Variants in PRORP observed in about 807,000 individuals in gnomAD.
The protein encoded by PRORP is mitochondrial ribonuclease P catalytic subunit.
In PRORP, 51 loss-of-function variants were observed where a neutral mutation model predicts 59.4. The observed-to-expected ratio is 0.86, with a 90% CI of 0.69 to 1.08. The LOEUF is 1.08. PRORP is among the 50% of genes least tolerant of loss of function. The probability of loss-of-function intolerance (pLI) is 0.00; values close to 1 mark genes in which losing one functional copy is unlikely to be tolerated. For missense variants in PRORP, 646 were observed against 690.3 expected, an observed-to-expected ratio of 0.94 and a Z score of 0.72; for synonymous variants, 231 against 245.6, an observed-to-expected ratio of 0.94 and a Z score of 0.55.
At chr14:35,181,628 T>C (rs2048608565) in intron 5 of PRORP, among the ~76,000 whole-genome samples, 1 of 151,560 alleles carries the variant, frequency 6.6e-6, no homozygotes, top group Admixed American at 6.6e-5. Flanking sequence ...CTACTAAAAA[T>C]ACAAAAATTA....
At chr14:35,271,581 A>G (rs2051191627) in intron 7 of PRORP, among the ~76,000 whole-genome samples, 1 of 152,158 alleles carries the variant, frequency 6.6e-6, no homozygotes, top group Non-Finnish European at 1.5e-5. Context: ...ATTCATTTCT[A>G]TGACAGTCTC....
chr14:35,262,962 A>G (rs1218914718), intron 5 of PRORP: 32 of 1,599,028 alleles, frequency 2.0e-5, no homozygotes, highest in Non-Finnish European at 2.7e-5. Context: ...GACAGTTAAA[A>G]ACAAGGATAT....
chr14:35,241,044 A>G (rs1344107229), intron 5 of PRORP, among the ~76,000 whole-genome samples: 1 of 152,160 alleles, frequency 6.6e-6, no homozygotes, highest in Non-Finnish European at 1.5e-5. Context: ...CATTCACATT[A>G]TATTAACTAT....
chr14:35,255,709 A>G lies in PRORP; in HGVS notation c.1276-11018A>G, dbSNP rs577772231. Among the ~76,000 whole-genome samples, 4 of 152,350 alleles carry G rather than the reference A, an allele frequency of 2.6e-5. No individual in the cohort carries two copies. In the South Asian group the frequency reaches 6.2e-4, roughly 24 times the overall value. ...ATTCAACTACCAGTTTGCAAGAAGCATAGAAGACTGGAGACTATGTTACAT... is the reference window on the plus strand; with the variant it reads ...ATTCAACTACCAGTTTGCAAGAAGCGTAGAAGACTGGAGACTATGTTACAT... On this transcript the variant is annotated intron_variant, in intron 5 of 7. Transcript: ENST00000534898.
chr14:35,224,442 A>G (rs1257681962), intron 5 of PRORP, among the ~76,000 whole-genome samples: 1 of 152,196 alleles, frequency 6.6e-6, no homozygotes, highest in Non-Finnish European at 1.5e-5. Context: ...GGGAACTACT[A>G]CCAGTTCCCA....
In PRORP at chr14:35,123,180, A is replaced by C. The variant is rs1394574832; in HGVS notation, c.-66A>C. 1 of 1,512,204 alleles carries C rather than the reference A, an allele frequency of 6.6e-7. No individual in the cohort carries two copies. The highest frequency in any genetic ancestry group is 2.0e-5 in the Admixed American group (1 of 49,628). 93.7% of individuals were successfully genotyped at this position (1,512,204 alleles called of 1,614,324 possible). ...GCACCGCCGACCCCCAATCTCTTTAATTTTGCCATAGAAGAGGGGTTTTTT... is the reference window on the plus strand; with the variant it reads ...GCACCGCCGACCCCCAATCTCTTTACTTTTGCCATAGAAGAGGGGTTTTTT... On this transcript the variant is annotated 5_prime_UTR_variant, in exon 2 of 8. Transcript: ENST00000534898.
chr14:35,160,492 A>C (rs928838488), intron 4 of PRORP, among the ~76,000 whole-genome samples: 4 of 152,162 alleles, frequency 2.6e-5, no homozygotes, highest in African/African-American at 9.7e-5. Flanking sequence ...TTTTTCACTA[A>C]AAGAGGACAA....
intron 5 of PRORP, among the ~76,000 whole-genome samples, chr14:35,186,388 A>C (rs2048743050): frequency 2.6e-5 from 4 of 151,674 alleles, no homozygotes. Context: ...TTTATATAAC[A>C]TAATATTCAC....
chr14:35,228,156 A>G (rs2049984196), intron 5 of PRORP, among the ~76,000 whole-genome samples: 1 of 152,218 alleles, frequency 6.6e-6, no homozygotes, highest in East Asian at 1.9e-4. Context: ...ATAAATAAAT[A>G]AATGAAGACT....
chr14:35,215,907 C>T (rs192547482), intron 5 of PRORP, among the ~76,000 whole-genome samples: 2 of 151,630 alleles, frequency 1.3e-5, no homozygotes, highest in African/African-American at 2.4e-5. Flanking sequence ...GTTTGGATTA[C>T]AGGTGCCCAC....
intron 5 of PRORP, among the ~76,000 whole-genome samples, chr14:35,221,392 T>G (rs1043743498): frequency 2.0e-5 from 3 of 152,258 alleles, no homozygotes; most frequent in Admixed American, 2.0e-4. Context: ...CAAGCTCTAA[T>G]ATGGCTTGGT....
intron 5 of PRORP, among the ~76,000 whole-genome samples, chr14:35,258,384 G>A (rs1429126884): frequency 3.9e-5 from 6 of 152,080 alleles, no homozygotes; most frequent in East Asian, 1.9e-4. Context: ...AACCCCGATG[G>A]TAATCAGAAT....
intron 5 of PRORP, among the ~76,000 whole-genome samples, chr14:35,202,039 G>A (rs924897337): frequency 6.7e-5 from 10 of 148,682 alleles, no homozygotes; most frequent in South Asian, 2.1e-4. Flanking sequence ...GTGTGATCTC[G>A]GCTCACTGCA....
At chr14:35,165,304 C>T (rs550830065) in intron 4 of PRORP, among the ~76,000 whole-genome samples, 8 of 152,158 alleles carry the variant, frequency 5.3e-5, no homozygotes, top group African/African-American at 1.9e-4. Context: ...ATTTCTGTTG[C>T]TCTGAGGGAT....
intron 5 of PRORP, among the ~76,000 whole-genome samples, chr14:35,189,141 T>A (rs1244812032): frequency 2.0e-5 from 3 of 152,180 alleles, no homozygotes; most frequent in African/African-American, 7.2e-5. Context: ...ACCTTCACCC[T>A]ATTTATTTGT....
chr14:35,244,777 T>G (rs1016221554), intron 5 of PRORP, among the ~76,000 whole-genome samples: 9 of 152,208 alleles, frequency 5.9e-5, no homozygotes, highest in Admixed American at 5.9e-4. Flanking sequence ...TCTTCTAACC[T>G]CGTCTCCTTT....
At chr14:35,270,276 T>C (rs2051151176) in intron 6 of PRORP, 125 bp from the exon 7 acceptor site, 1 of 816,626 alleles carries the variant, frequency 1.2e-6, no homozygotes, top group Non-Finnish European at 2.0e-6. Context: ...TAAGTATTAC[T>C]AGCATCATGT....
In PRORP at chr14:35,276,740, C is replaced by T. The variant is rs894672353; in HGVS notation, c.*3174C>T. On this transcript the variant is annotated 3_prime_UTR_variant, in exon 8 of 8. Coordinates refer to ENST00000534898, the MANE Select transcript of PRORP (RefSeq NM_014672.4). Reference sequence around the variant, plus strand: ...TAGTATCTTTAAAATCAGTTGTGAACAATGAAGGATTTGAAAGAGCATTGA... The same window carrying T: ...TAGTATCTTTAAAATCAGTTGTGAATAATGAAGGATTTGAAAGAGCATTGA... The T allele has an allele frequency of 6.6e-5, 10 of 152,102 alleles. No individual in the cohort carries two copies. The highest frequency in any genetic ancestry group is 2.2e-4 in the African/African-American group (9 of 41,414). 9.4% of individuals were successfully genotyped at this position (152,102 alleles called of 1,614,324 possible). A position where few individuals can be genotyped will look rare whatever the true frequency, so the allele number is the denominator to read the frequency against.
chr14:35,146,979 C>T (rs1408938784), intron 4 of PRORP, among the ~76,000 whole-genome samples: 1 of 151,874 alleles, frequency 6.6e-6, no homozygotes, highest in Non-Finnish European at 1.5e-5. Context: ...TACCTGTAGT[C>T]CTAGCTACTT....
Sources: gnomAD v4.1 joint callset for allele counts (sites outside exome capture counted in the v4.1 genomes callset) on GRCh38, gnomAD v4.1.1 for gene constraint, MANE v1.5 for transcripts, NCBI Gene and HGNC (gene_info 2026-07-23, HGNC 2026-07-21) for gene names.